Variants in TMTC2 observed in about 807,000 individuals in gnomAD.
TMTC2 encodes the protein transmembrane O-mannosyltransferase targeting cadherins 2, also known as protein O-mannosyl-transferase TMTC2.
In TMTC2, 43 loss-of-function variants were observed where a neutral mutation model predicts 82.4. The ratio of observed to expected loss-of-function variants is 0.52; its 90% CI spans 0.41 to 0.67. The LOEUF (loss-of-function observed/expected upper bound fraction) is 0.67. TMTC2 is among the 30% of genes least tolerant of loss of function. The pLI is 0.00. For synonymous variants in TMTC2, 408 were observed against 381.9 expected (o/e 1.07, Z -0.80); for missense variants, 919 against 1,012.4 (o/e 0.91, Z 1.25).
rs140517248 is a variant in TMTC2, at chr12:83,029,410, G to A, written c.2071-1388G>A. On this transcript the variant is annotated intron_variant, in intron 8 of 11. Transcript: ENST00000321196. The stretch of plus-strand genomic sequence containing the variant: ...CAATTCTTCTTCCAATGTGGCCCAG[G>A]GAAGCCAAAAGATTAGACACCCCTA... 5.2e-3 allele frequency among the ~76,000 whole-genome samples: 787 copies of A among 152,130 alleles called. 35 individuals are homozygous for A. The highest frequency in any genetic ancestry group is 0.048 in the Admixed American group (734 of 15,272).
In TMTC2 at chr12:83,009,420, C is replaced by T. The variant is rs562667935; in HGVS notation, c.2071-21378C>T. On this transcript the variant is annotated intron_variant, in intron 8 of 11. Coordinates refer to ENST00000321196, the MANE Select transcript of TMTC2 (RefSeq NM_152588.3). ...TGTCAAAATTACTGTGTAAGTGTGC[C>T]TATGAGATTTTTGGCTCGATTTGCT... Among the ~76,000 whole-genome samples the T allele has an allele frequency of 7.8e-4, 119 of 152,206 alleles. 1 individual carries two copies. Among genetic ancestry groups the T allele is most frequent in the Middle Eastern group, 6.8e-3 (2 of 294 alleles).
intron 4 of TMTC2, among the ~76,000 whole-genome samples, chr12:82,955,844 A>T (rs1462206545): frequency 6.6e-6 from 1 of 152,182 alleles, no homozygotes; most frequent in Admixed American, 6.5e-5. Context: ...ATATTATTTT[A>T]AAAATGCTGT....
At chr12:82,795,081 G>A (rs1175403632) in intron 1 of TMTC2, among the ~76,000 whole-genome samples, 4 of 152,022 alleles carry the variant, frequency 2.6e-5, no homozygotes, top group Non-Finnish European at 5.9e-5. Context: ...GAGGCAGGTG[G>A]ATCACTTGAG....
intron 1 of TMTC2, among the ~76,000 whole-genome samples, chr12:82,832,453 G>T (rs1286136738): frequency 6.6e-6 from 1 of 150,988 alleles, no homozygotes; most frequent in African/African-American, 2.4e-5. Flanking sequence ...TTATACTATT[G>T]TACACTGTTT....
chr12:83,091,525 A>G (rs1461179156), intron 11 of TMTC2, among the ~76,000 whole-genome samples: 3 of 152,198 alleles, frequency 2.0e-5, no homozygotes, highest in African/African-American at 7.2e-5. Context: ...CACTGGCACA[A>G]TTGCTGAATT....
chr12:82,811,831 T>C (rs1868408024), intron 1 of TMTC2, among the ~76,000 whole-genome samples: 1 of 140,656 alleles, frequency 7.1e-6, no homozygotes. Context: ...TTTTTTTTTT[T>C]TTCTGAGATG....
intron 7 of TMTC2, among the ~76,000 whole-genome samples, chr12:82,974,828 C>G (rs1878599361): frequency 6.6e-6 from 1 of 152,044 alleles, no homozygotes; most frequent in Admixed American, 6.6e-5. Context: ...GTGGCGAACC[C>G]CAGCAAGACC....
chr12:83,123,489 A>G (rs1382949199), intron 11 of TMTC2, among the ~76,000 whole-genome samples: 2 of 152,220 alleles, frequency 1.3e-5, no homozygotes, highest in African/African-American at 2.4e-5. Context: ...GACTACAAAG[A>G]ACTATCATTT....
intron 3 of TMTC2, among the ~76,000 whole-genome samples, chr12:82,924,484 A>G (rs748002569): frequency 5.6e-4 from 85 of 152,130 alleles, no homozygotes; most frequent in Non-Finnish European, 7.9e-4. Context: ...TGAAGCTGGT[A>G]ATTGTGTATA....
intron 4 of TMTC2, among the ~76,000 whole-genome samples, chr12:82,961,118 A>G (rs1877906147): frequency 1.3e-5 from 2 of 151,478 alleles, no homozygotes; most frequent in Non-Finnish European, 2.9e-5. Flanking sequence ...ACCTCTTAAG[A>G]TTATTGTTGA....
chr12:83,053,806 G>A lies in TMTC2; in HGVS notation c.2267+2788G>A, dbSNP rs563170246. On this transcript the variant is annotated intron_variant, in intron 10 of 11. Transcript: ENST00000321196. ...GACAAGTCAGAGGTATCAAAATAAA[G>A]GGCCTCAGTGAAGCAGGTTTACATT... Among the ~76,000 whole-genome samples, 5 of 152,194 alleles carry A rather than the reference G, an allele frequency of 3.3e-5. No homozygotes were observed. The East Asian group carries it at 9.7e-4, about 29-fold the overall frequency.
At chr12:83,056,689 A>G (rs183440818) in intron 10 of TMTC2, among the ~76,000 whole-genome samples, 10 of 152,022 alleles carry the variant, frequency 6.6e-5, no homozygotes, top group Admixed American at 4.6e-4. Flanking sequence ...AACACTTCCA[A>G]ACTTACCAAA....
Position 83,008,458 on chromosome 12 carries a change from T to C in TMTC2, c.2071-22340T>C, listed in dbSNP as rs189363976. Among the ~76,000 whole-genome samples, 35 of 152,322 alleles carry C rather than the reference T, an allele frequency of 2.3e-4. No homozygotes were observed. The East Asian group carries it at 6.6e-3, about 29-fold the overall frequency. On this transcript the variant is annotated intron_variant, in intron 8 of 11. Transcript: ENST00000321196. ...ATTCTTTCCTTAGCCATCCTGGGTC[T>C]TCTAATGAGCCCATCAAAGGCATTC...
intron 11 of TMTC2, among the ~76,000 whole-genome samples, chr12:83,125,663 C>A (rs1009757021): frequency 6.6e-6 from 1 of 152,146 alleles, no homozygotes; most frequent in Admixed American, 6.5e-5. Flanking sequence ...AATAGAAAAT[C>A]TGAAATTTGA....
chr12:82,933,267 T>G (rs1230832974), intron 4 of TMTC2, among the ~76,000 whole-genome samples: 1 of 152,176 alleles, frequency 6.6e-6, no homozygotes, highest in African/African-American at 2.4e-5. Flanking sequence ...GGTAAATTTT[T>G]CAGTCATTTT....
chr12:83,059,849 G>GA (rs1882677651), intron 10 of TMTC2, among the ~76,000 whole-genome samples: 1 of 151,616 alleles, frequency 6.6e-6, no homozygotes, highest in Non-Finnish European at 1.5e-5. Context: ...TACTTTCCAT[G>GA]TTGGGCATCT....
chr12:82,757,067 A>G (rs1876368577), intron 1 of TMTC2, among the ~76,000 whole-genome samples: 1 of 152,182 alleles, frequency 6.6e-6, no homozygotes. Flanking sequence ...ATTTGACATG[A>G]CTTTCACTGT....
intron 8 of TMTC2, among the ~76,000 whole-genome samples, chr12:83,019,212 A>T (rs1397319619): frequency 2.0e-5 from 3 of 151,954 alleles, no homozygotes. Flanking sequence ...TTTATGTTTT[A>T]TGTTATTTTT....
chr12:83,059,637 A>G (rs1321878273), intron 10 of TMTC2, among the ~76,000 whole-genome samples: 4 of 151,794 alleles, frequency 2.6e-5, no homozygotes, highest in African/African-American at 7.2e-5. Context: ...TCTAACCTAG[A>G]TATTTCCTTT....
Sources: allele counts gnomAD v4.1 joint callset (sites outside exome capture counted in the v4.1 genomes callset), GRCh38; gene constraint gnomAD v4.1.1; transcripts MANE v1.5; gene names NCBI Gene and HGNC (gene_info 2026-07-23, HGNC 2026-07-21).